CASR: variants seen among roughly 807,000 people sequenced by gnomAD.
CASR encodes extracellular calcium-sensing receptor.
CASR carries 23 observed loss-of-function variants against 69.1 expected under a neutral mutation model. The ratio of observed to expected loss-of-function variants is 0.33; its 90% CI spans 0.24 to 0.47. The LOEUF (loss-of-function observed/expected upper bound fraction) is 0.47, where lower values mean the gene tolerates loss of function less well. Among genes scored for constraint, CASR ranks in the 20% least tolerant of loss-of-function variants. The pLI, the probability that CASR is intolerant of heterozygous loss-of-function variation, is 1.00. For missense variants in CASR, 924 were observed against 1,356.1 expected (o/e 0.68, Z 5.00); for synonymous variants, 541 against 544.7 (o/e 0.99, Z 0.10).
At chr3:122,194,460 A>C (rs2073869502) in intron 1 of CASR, among the ~76,000 whole-genome samples, 1 of 150,312 alleles carries the variant, frequency 6.7e-6, no homozygotes, top group Non-Finnish European at 1.5e-5. Context: ...CCCCCTACCC[A>C]CCACTTGTCC....
intron 1 of CASR, among the ~76,000 whole-genome samples, chr3:122,236,894 G>C (rs2074333980): frequency 1.3e-5 from 2 of 152,050 alleles, no homozygotes; most frequent in Admixed American, 1.3e-4. Context: ...AAAAAGTGAA[G>C]GTGATTCTAT....
At chr3:122,266,310 C>A (rs946975942) in intron 4 of CASR, among the ~76,000 whole-genome samples, 1 of 151,508 alleles carries the variant, frequency 6.6e-6, no homozygotes, top group African/African-American at 2.4e-5. Flanking sequence ...TAAGTGCATG[C>A]ATGTCCTGTA....
chr3:122,282,399 C>T (rs2270917), intron 6 of CASR, among the ~76,000 whole-genome samples, 163 bp downstream of exon 6: 85,675 of 152,134 alleles, frequency 0.56, 26,521 homozygotes, highest in Middle Eastern at 0.74. Flanking sequence ...GGAGGTGGAA[C>T]AGAAAAAGAA....
At position 122,253,770 on chromosome 3, in the gene CASR, T is replaced by C. The variant is rs538598605; in HGVS notation, c.-242-178T>C. ...CATAGTTCTTCCCCAATATGGGCAA[T>C]TGACGTTTCCTGTATTTTACATGAA... On this transcript the variant is annotated intron_variant, in intron 1 of 6. Coordinates refer to ENST00000639785, the MANE Select transcript of CASR (RefSeq NM_000388.4). 2.6e-5 allele frequency among the ~76,000 whole-genome samples: 4 copies of C among 152,338 alleles called. No homozygotes were observed. In the East Asian group the frequency reaches 7.7e-4, roughly 29 times the overall value.
intron 4 of CASR, among the ~76,000 whole-genome samples, chr3:122,267,187 A>G (rs986456655): frequency 2.6e-5 from 4 of 152,234 alleles, no homozygotes; most frequent in Non-Finnish European, 5.9e-5. Flanking sequence ...AAGGCAAGAT[A>G]TTATGCAGAA....
intron 1 of CASR, among the ~76,000 whole-genome samples, chr3:122,186,596 TTTGG>T (rs1345718903): frequency 1.3e-5 from 2 of 152,138 alleles, no homozygotes; most frequent in African/African-American, 4.8e-5. Context: ...TTACAGATGC[TTTGG>T]GGTGGCAGCT....
intron 1 of CASR, among the ~76,000 whole-genome samples, chr3:122,212,441 G>C (rs567651933): frequency 6.6e-6 from 1 of 152,192 alleles, no homozygotes; most frequent in Non-Finnish European, 1.5e-5. Flanking sequence ...AGGATAAATA[G>C]CTAATGCATG....
intron 4 of CASR, among the ~76,000 whole-genome samples, chr3:122,263,188 T>C (rs2074648581): frequency 6.6e-6 from 1 of 152,220 alleles, no homozygotes; most frequent in South Asian, 2.1e-4. Context: ...TGTATTTTCC[T>C]TAGTTCCAAA....
intron 1 of CASR, among the ~76,000 whole-genome samples, chr3:122,252,459 G>GAAAGAAAGAAAGAAACAAAAAAAAGAA (rs1559954451): frequency 1.6e-5 from 1 of 62,288 alleles, no homozygotes; most frequent in Non-Finnish European, 3.1e-5. Flanking sequence ...AAAAAGAAAA[G>GAAAGAAAGAAAGAAACAAAAAAAAGAA]AAAGAAAAGA....
chr3:122,243,779 T>G (rs1341087751), intron 1 of CASR, among the ~76,000 whole-genome samples: 4 of 152,004 alleles, frequency 2.6e-5, no homozygotes, highest in Admixed American at 6.6e-5. Context: ...GCAACCTAAG[T>G]GTCCATCGAA....
rs185466489 is a variant in CASR, at chr3:122,211,663, G to T, written c.-243+27851G>T. ...GTGGAGGTTGCAGTAAGCCTAGATC[G>T]TGCCACTGCCCTCCAGCCTGGGTAA... On this transcript the variant is annotated intron_variant, in intron 1 of 6. Transcript: ENST00000639785. Among the ~76,000 whole-genome samples, 6 of 152,282 alleles carry T rather than the reference G, an allele frequency of 3.9e-5. No homozygotes were observed. In the South Asian group the frequency reaches 8.3e-4, roughly 21 times the overall value.
At chr3:122,241,500 C>T (rs890042652) in intron 1 of CASR, among the ~76,000 whole-genome samples, 1 of 152,024 alleles carries the variant, frequency 6.6e-6, no homozygotes, top group Non-Finnish European at 1.5e-5. Context: ...AGAACCTGAA[C>T]AGACCAATAA....
In CASR at chr3:122,281,485, T is replaced by C. The variant is rs189293171; in HGVS notation, c.1609-628T>C. On this transcript the variant is annotated intron_variant, in intron 5 of 6. Transcript: ENST00000639785. ...GGAAATACTTTTAATGTTTTCTCTA[T>C]ATGAATGATGTTTACTCTAAGAGGT... Among the ~76,000 whole-genome samples, 9 of 152,366 alleles carry C rather than the reference T, an allele frequency of 5.9e-5. No homozygotes were observed. The East Asian group carries it at 1.2e-3, about 20-fold the overall frequency.
rs981207419 is a variant in CASR, at chr3:122,233,536, C to T, written c.-242-20412C>T. Among the ~76,000 whole-genome samples, 5 of 152,214 alleles carry T rather than the reference C, an allele frequency of 3.3e-5. No homozygotes were observed. In the East Asian group the frequency reaches 9.6e-4, roughly 29 times the overall value. The stretch of plus-strand genomic sequence containing the variant: ...GAGGAGAAAATGAGGAAGAGAAATG[C>T]AAGAGGGCGACTTCACAGGGGAATT... On this transcript the variant is annotated intron_variant, in intron 1 of 6. Transcript: ENST00000639785.
At chr3:122,264,198 AAAAG>A (rs1398443209) in intron 4 of CASR, among the ~76,000 whole-genome samples, 1 of 152,192 alleles carries the variant, frequency 6.6e-6, no homozygotes, top group Non-Finnish European at 1.5e-5. Flanking sequence ...CATAAACAAA[AAAAG>A]AGGAAATGTA....
chr3:122,274,692 A>G (rs1253458121), intron 4 of CASR, among the ~76,000 whole-genome samples: 1 of 152,210 alleles, frequency 6.6e-6, no homozygotes, highest in Non-Finnish European at 1.5e-5. Context: ...GATTGAGCCC[A>G]GGAGTTTGAG....
intron 3 of CASR, 98 bp from the exon 4 acceptor site, chr3:122,261,430 G>A (rs2074619963): frequency 3.0e-6 from 3 of 1,001,384 alleles, no homozygotes; most frequent in Non-Finnish European, 4.8e-6. Context: ...TGAGACCAAG[G>A]CATGCTCAGA....
intron 4 of CASR, among the ~76,000 whole-genome samples, chr3:122,275,472 G>C (rs965130136): frequency 6.6e-6 from 1 of 152,222 alleles, no homozygotes; most frequent in Non-Finnish European, 1.5e-5. Flanking sequence ...TATAAATCCT[G>C]CCCCTCCTGG....
intron 1 of CASR, among the ~76,000 whole-genome samples, chr3:122,193,587 C>T (rs187377188): frequency 1.4e-3 from 219 of 152,264 alleles, no homozygotes; most frequent in African/African-American, 4.9e-3. Flanking sequence ...TTATCAGTTT[C>T]TGAGTACCTA....
Sources: gnomAD v4.1 joint callset for allele counts (sites outside exome capture counted in the v4.1 genomes callset) on GRCh38, gnomAD v4.1.1 for gene constraint, MANE v1.5 for transcripts, NCBI Gene and HGNC (gene_info 2026-07-23, HGNC 2026-07-21) for gene names.